Variants in RANBP3 observed in about 807,000 individuals in gnomAD.
The protein encoded by RANBP3 is RAN binding protein 3, also known as ran-binding protein 3.
A neutral mutation model predicts 77.3 loss-of-function variants in RANBP3; 14 were observed. That is an observed-to-expected ratio of 0.18 (90% CI 0.12 to 0.28). The LOEUF (loss-of-function observed/expected upper bound fraction) is 0.28, where lower values mean the gene tolerates loss of function less well. Among genes scored for constraint, RANBP3 ranks in the 10% least tolerant of loss-of-function variants. The pLI is 1.00. For missense variants in RANBP3, 586 were observed against 752.3 expected, an observed-to-expected ratio of 0.78 and a Z score of 2.59; for synonymous variants, 315 against 312.4, an observed-to-expected ratio of 1.01 and a Z score of -0.09.
At chr19:5,926,481 G>A (rs2057911683) in intron 9 of RANBP3, among the ~76,000 whole-genome samples, 1 of 152,144 alleles carries the variant, frequency 6.6e-6, no homozygotes, top group Non-Finnish European at 1.5e-5. Flanking sequence ...AACCCAGGAG[G>A]TGGAGGTTGC....
At chr19:5,922,820 A>G (rs995317628) in intron 13 of RANBP3, among the ~76,000 whole-genome samples, 3 of 152,176 alleles carry the variant, frequency 2.0e-5, no homozygotes, top group Non-Finnish European at 4.4e-5. Flanking sequence ...CACACCTGTA[A>G]TCCCAGCTAC....
rs974739256 is a variant in RANBP3 at position 5,926,630 on chromosome 19, G to A, written c.814-893C>T. ...ATTTGACTGAGACTGCGAAGTGCACGTAAGCCTCTGACTTCTGCAAGAAGC... is the reference window on the plus strand; with the variant it reads ...ATTTGACTGAGACTGCGAAGTGCACATAAGCCTCTGACTTCTGCAAGAAGC... On this transcript the variant is annotated intron_variant, in intron 9 of 16. Transcript: ENST00000340578. Among the ~76,000 whole-genome samples the A allele has an allele frequency of 8.5e-5, 13 of 152,134 alleles. 1 individual carries two copies. The highest frequency in any genetic ancestry group is 1.2e-4 in the African/African-American group (5 of 41,422).
At position 5,917,312 on chromosome 19, in the gene RANBP3, C is replaced by A; in HGVS notation, c.*298G>T. ...ACGCGGGGTGAAGGAACGAGGTCTC[C>A]AGTCCCAGTGAGAAGCCGTGACAAG... On this transcript the variant is annotated 3_prime_UTR_variant, in exon 17 of 17. Coordinates refer to ENST00000340578, the MANE Select transcript of RANBP3 (RefSeq NM_007322.3). 1 of 472,090 alleles carries A rather than the reference C, an allele frequency of 2.1e-6. No homozygotes were observed. Among genetic ancestry groups the A allele is most frequent in the South Asian group, 2.9e-5 (1 of 34,506 alleles). The allele number at this position is 472,090 out of a possible 1,614,324, so 29.2% of individuals were successfully genotyped here.
chr19:5,919,962 T>A (rs2057796536), intron 14 of RANBP3, among the ~76,000 whole-genome samples: 1 of 149,228 alleles, frequency 6.7e-6, no homozygotes, highest in Non-Finnish European at 1.5e-5. Context: ...TGCAGGGACA[T>A]CCCCTGTCTG....
intron 1 of RANBP3, chr19:5,962,720 C>T (rs1364890661): frequency 4.4e-6 from 2 of 456,070 alleles, no homozygotes; most frequent in Non-Finnish European, 8.8e-6. Context: ...ACCCAAAACA[C>T]AGAGCGTCAG....
intron 2 of RANBP3, among the ~76,000 whole-genome samples, chr19:5,955,253 C>T (rs1443249229): frequency 1.3e-5 from 2 of 152,212 alleles, no homozygotes; most frequent in African/African-American, 4.8e-5. Flanking sequence ...GCCTCAGCCT[C>T]CTGAGTAGCT....
rs2058022474 is a variant in RANBP3, at chr19:5,933,421, G to A, written c.465C>T (p.Pro155=). Residue 155 remains proline (P), a synonymous_variant, in exon 6 of 17, where the codon CCC becomes CCT. Transcript: ENST00000340578. ...GGGAGGTAGACGACCTACCTGCGCTGGGGGCTTGGCCGTGGATCAGCGTTG... is the reference window on the plus strand; with the variant it reads ...GGGAGGTAGACGACCTACCTGCGCTAGGGGCTTGGCCGTGGATCAGCGTTG... ...KPPTLIHGQA[P]SAGLPSQKPK... 1 of 1,612,662 alleles carries A rather than the reference G, an allele frequency of 6.2e-7. No homozygotes were observed. Among genetic ancestry groups the A allele is most frequent in the East Asian group, 2.2e-5 (1 of 44,810 alleles).
chr19:5,925,397 G>A (rs2057891099), intron 10 of RANBP3: 1 of 582,438 alleles, frequency 1.7e-6, no homozygotes, highest in African/African-American at 1.9e-5. Context: ...TGGGCCCCTG[G>A]ACAACCCCAC....
At chr19:5,970,587 T>C (rs1252020543) in intron 1 of RANBP3, among the ~76,000 whole-genome samples, 3 of 152,048 alleles carry the variant, frequency 2.0e-5, no homozygotes, top group African/African-American at 7.2e-5. Flanking sequence ...GAGTAGAGGC[T>C]AGAGGGGCTA....
intron 1 of RANBP3, among the ~76,000 whole-genome samples, chr19:5,968,044 A>G (rs2058488904): frequency 6.6e-6 from 1 of 152,198 alleles, no homozygotes; most frequent in South Asian, 2.1e-4. Flanking sequence ...AAGAAAAAAG[A>G]AAAAACTGCG....
intron 2 of RANBP3, among the ~76,000 whole-genome samples, chr19:5,957,681 A>G (rs984984365): frequency 6.6e-6 from 1 of 152,064 alleles, no homozygotes; most frequent in Non-Finnish European, 1.5e-5. Context: ...CCGTTTCAAC[A>G]AACTGTACTC....
intron 14 of RANBP3, among the ~76,000 whole-genome samples, chr19:5,919,216 T>C (rs1013271916): frequency 1.3e-5 from 2 of 152,158 alleles, no homozygotes; most frequent in African/African-American, 4.8e-5. Context: ...GGGCAGCAGA[T>C]TACGGAGGAA....
intron 8 of RANBP3, among the ~76,000 whole-genome samples, chr19:5,928,847 A>G (rs1329703854): frequency 1.3e-5 from 2 of 152,244 alleles, no homozygotes; most frequent in Non-Finnish European, 2.9e-5. Flanking sequence ...AGTAATTTGT[A>G]TATGTCTTTC....
At position 5,916,682 on chromosome 19, in the gene RANBP3, G is replaced by A. The variant is rs1190209365; in HGVS notation, c.*928C>T. The A allele has an allele frequency of 6.6e-6, 1 of 152,556 alleles. No individual in the cohort carries two copies. The highest frequency in any genetic ancestry group is 1.5e-5 in the Non-Finnish European group (1 of 68,296). 9.5% of individuals were successfully genotyped at this position (152,556 alleles called of 1,614,324 possible). A position where few individuals can be genotyped will look rare whatever the true frequency, so the allele number is the denominator to read the frequency against. ...GGCAGGGACACCTGTGGCTGGGGAA[G>A]GGATGGCCAACAGCGGGAAGCAGTT... On this transcript the variant is annotated 3_prime_UTR_variant, in exon 17 of 17. Coordinates refer to ENST00000340578, the MANE Select transcript of RANBP3 (RefSeq NM_007322.3).
At chr19:5,932,039 A>C (rs1043309186) in intron 7 of RANBP3, among the ~76,000 whole-genome samples, 8 of 147,606 alleles carry the variant, frequency 5.4e-5, no homozygotes, top group Non-Finnish European at 1.2e-4. Context: ...CATCTCCAAA[A>C]TAAATAAATA....
chr19:5,943,699 A>C (rs1237515936), intron 3 of RANBP3, among the ~76,000 whole-genome samples: 3 of 152,118 alleles, frequency 2.0e-5, no homozygotes, highest in African/African-American at 4.8e-5. Flanking sequence ...CCGTGTTCTG[A>C]GGGGGCTTTG....
At chr19:5,938,149 T>C (rs578107537) in intron 5 of RANBP3, among the ~76,000 whole-genome samples, 1 of 152,248 alleles carries the variant, frequency 6.6e-6, no homozygotes, top group South Asian at 2.1e-4. Context: ...ACCCACCTCT[T>C]CCCTTGACAC....
chr19:5,928,836 T>C (rs1250428207), intron 8 of RANBP3, among the ~76,000 whole-genome samples: 1 of 152,218 alleles, frequency 6.6e-6, no homozygotes, highest in Non-Finnish European at 1.5e-5. Flanking sequence ...ATGGAGTTGC[T>C]AGTAATTTGT....
chr19:5,965,972 T>C (rs1050882070), intron 1 of RANBP3: 1 of 152,110 alleles, frequency 6.6e-6, no homozygotes, highest in African/African-American at 2.4e-5. Flanking sequence ...CTGTCGGAGG[T>C]GGGCCCGGGT....
Sources: allele counts gnomAD v4.1 joint callset (sites outside exome capture counted in the v4.1 genomes callset), GRCh38; gene constraint gnomAD v4.1.1; transcripts MANE v1.5; gene names NCBI Gene and HGNC (gene_info 2026-07-23, HGNC 2026-07-21).